The following GRM5 variants were observed in gnomAD, a reference collection of about 807,000 sequenced individuals.
GRM5 encodes metabotropic glutamate receptor 5.
GRM5 carries 19 observed loss-of-function variants against 83.1 expected under a neutral mutation model. The observed-to-expected ratio is 0.23, with a 90% CI of 0.16 to 0.34. GRM5 has a LOEUF of 0.34. GRM5 is among the 10% of genes least tolerant of loss of function. GRM5 has a pLI of 1.00. For missense variants in GRM5, 1,160 were observed against 1,588.3 expected (o/e 0.73, Z 4.58); for synonymous variants, 675 against 633.6 (o/e 1.07, Z -0.98).
At chr11:88,561,192 T>G (rs1942745817) in intron 8 of GRM5, among the ~76,000 whole-genome samples, 1 of 152,164 alleles carries the variant, frequency 6.6e-6, no homozygotes, top group Non-Finnish European at 1.5e-5. Flanking sequence ...TGAACCAGTT[T>G]TCTAGGCATA....
At chr11:88,905,577 A>G (rs1057462668) in intron 2 of GRM5, among the ~76,000 whole-genome samples, 1 of 152,136 alleles carries the variant, frequency 6.6e-6, no homozygotes, top group African/African-American at 2.4e-5. Context: ...CCTGACCTCA[A>G]GTAATCTGTC....
intron 2 of GRM5, among the ~76,000 whole-genome samples, chr11:89,025,079 G>T (rs561375875): frequency 6.6e-6 from 1 of 152,176 alleles, no homozygotes; most frequent in Non-Finnish European, 1.5e-5. Flanking sequence ...TCATCTTCAC[G>T]TTATACTGGC....
chr11:88,952,244 T>C (rs1938488368), intron 2 of GRM5, among the ~76,000 whole-genome samples: 1 of 152,166 alleles, frequency 6.6e-6, no homozygotes, highest in Admixed American at 6.5e-5. Context: ...TTTCTGAAAA[T>C]CTCCTATACA....
chr11:88,624,425 G>A (rs1268042450), intron 4 of GRM5, among the ~76,000 whole-genome samples: 4 of 152,126 alleles, frequency 2.6e-5, no homozygotes, highest in East Asian at 1.9e-4. Context: ...GAGAAAACCC[G>A]GGGCCATGCC....
At chr11:88,643,420 A>C (rs1039946951) in intron 4 of GRM5, among the ~76,000 whole-genome samples, 11 of 152,296 alleles carry the variant, frequency 7.2e-5, no homozygotes, top group African/African-American at 2.6e-4. Context: ...CCAATTCAAC[A>C]TGAGGTTTGA....
intron 2 of GRM5, among the ~76,000 whole-genome samples, chr11:88,899,007 G>A (rs1945276994): frequency 6.6e-6 from 1 of 151,882 alleles, no homozygotes; most frequent in African/African-American, 2.4e-5. Context: ...ACGAATCAAA[G>A]GGATATACGT....
intron 2 of GRM5, among the ~76,000 whole-genome samples, chr11:88,903,282 G>A (rs1481616212): frequency 2.6e-5 from 4 of 152,108 alleles, no homozygotes; most frequent in Non-Finnish European, 5.9e-5. Flanking sequence ...AAGAGGGTGA[G>A]CATCAAAGTG....
At chr11:88,982,202 G>A (rs1422404680) in intron 2 of GRM5, among the ~76,000 whole-genome samples, 3 of 152,286 alleles carry the variant, frequency 2.0e-5, no homozygotes, top group African/African-American at 7.2e-5. Flanking sequence ...TGTTCATCAT[G>A]TGATTTTTGG....
intron 3 of GRM5, among the ~76,000 whole-genome samples, chr11:88,803,238 A>C (rs1175063301): frequency 6.6e-6 from 1 of 151,550 alleles, no homozygotes; most frequent in African/African-American, 2.4e-5. Context: ...GTCAATCCTA[A>C]GCCAAAAGAA....
chr11:88,819,680 T>C (rs1449519093), intron 3 of GRM5, among the ~76,000 whole-genome samples: 1 of 152,210 alleles, frequency 6.6e-6, no homozygotes, highest in African/African-American at 2.4e-5. Flanking sequence ...AATTCCTTTT[T>C]AAGGACTTCG....
chr11:88,923,640 T>C (rs535720229), intron 2 of GRM5, among the ~76,000 whole-genome samples: 1 of 152,072 alleles, frequency 6.6e-6, no homozygotes, highest in Non-Finnish European at 1.5e-5. Flanking sequence ...TTTGATAGCA[T>C]AGCAGGGTGA....
At chr11:89,023,348 C>T (rs147729376) in intron 2 of GRM5, among the ~76,000 whole-genome samples, 3,542 of 152,156 alleles carry the variant, frequency 0.023, 136 homozygotes, top group African/African-American at 0.081. Flanking sequence ...ACTTCCCAGA[C>T]GCATCCTACC....
chr11:88,610,752 T>A (rs1938289942), intron 4 of GRM5, among the ~76,000 whole-genome samples: 1 of 152,226 alleles, frequency 6.6e-6, no homozygotes, highest in Non-Finnish European at 1.5e-5. Flanking sequence ...CTTCCAGCAC[T>A]ACATTGAATA....
At chr11:88,940,927 C>G (rs1938067708) in intron 2 of GRM5, among the ~76,000 whole-genome samples, 1 of 152,018 alleles carries the variant, frequency 6.6e-6, no homozygotes, top group Non-Finnish European at 1.5e-5. Flanking sequence ...TATGAACACA[C>G]TTACATGTGC....
chr11:88,911,139 A>G (rs1342920923), intron 2 of GRM5, among the ~76,000 whole-genome samples: 2 of 152,114 alleles, frequency 1.3e-5, no homozygotes, highest in African/African-American at 4.8e-5. Context: ...GATGAAAAAG[A>G]TTAAATATTT....
At chr11:88,535,533 G>T (rs308896) in intron 8 of GRM5, among the ~76,000 whole-genome samples, 12,039 of 152,176 alleles carry the variant, frequency 0.079, 887 homozygotes, top group African/African-American at 0.19. Flanking sequence ...TGTGTCCTTT[G>T]AGCTACTGAA....
chr11:88,693,347 A>T (rs1204281597), intron 3 of GRM5, among the ~76,000 whole-genome samples: 1 of 152,186 alleles, frequency 6.6e-6, no homozygotes, highest in Non-Finnish European at 1.5e-5. Flanking sequence ...CAAAGTAGTG[A>T]GGAGATAGGA....
chr11:88,763,076 G>A (rs1162810222), intron 3 of GRM5, among the ~76,000 whole-genome samples: 1 of 151,796 alleles, frequency 6.6e-6, no homozygotes, highest in Non-Finnish European at 1.5e-5. Flanking sequence ...TGAGTACTAG[G>A]TTTAACACCT....
rs35203808 is a variant in GRM5 at position 88,753,349 on chromosome 11, AG to A, written c.911+96556del. Among the ~76,000 whole-genome samples the A allele has an allele frequency of 7.5e-3, 1,140 of 152,300 alleles. 103 individuals carry two copies. The East Asian group carries it at 0.2, about 26-fold the overall frequency. On this transcript the variant is annotated intron_variant, in intron 3 of 9. Transcript: ENST00000305447. ...ATGTGGCCAATAAACATATGAAAAAAGCTCAGTATTACTGATCATTAGATAA... is the reference window on the plus strand; with the variant it reads ...ATGTGGCCAATAAACATATGAAAAAACTCAGTATTACTGATCATTAGATAA...
Sources: gnomAD v4.1 joint callset for allele counts (sites outside exome capture counted in the v4.1 genomes callset) on GRCh38, gnomAD v4.1.1 for gene constraint, MANE v1.5 for transcripts, NCBI Gene and HGNC (gene_info 2026-07-23, HGNC 2026-07-21) for gene names.